The following SLFN12L variants were observed in gnomAD, a reference collection of about 807,000 sequenced individuals.
SLFN12L encodes schlafen family member 12-like.
In SLFN12L, 34 loss-of-function variants were observed where a neutral mutation model predicts 34.8. The observed-to-expected ratio is 0.98, with a 90% CI of 0.74 to 1.30. The LOEUF is 1.30. SLFN12L is among the 50% of genes most tolerant of loss of function. SLFN12L has a pLI of 0.00. For missense variants in SLFN12L, 703 were observed against 696.2 expected, an observed-to-expected ratio of 1.01 and a Z score of -0.11; for synonymous variants, 259 against 247.5, an observed-to-expected ratio of 1.05 and a Z score of -0.44.
In SLFN12L at chr17:35,479,837, C is replaced by A; in HGVS notation, c.445G>T (p.Val149Leu). The A allele has an allele frequency of 6.2e-7, 1 of 1,607,704 alleles. No homozygotes were observed. The highest frequency in any genetic ancestry group is 8.5e-7 in the Non-Finnish European group (1 of 1,176,454). ...GAGGTTTCCAAGCTCCATGATTTCA[C>A]AAAAATGTGAAAGTAGTTACCATTC... is the stretch of plus-strand genomic sequence containing the variant. Reference protein sequence around the residue: ...MQNGNYFHIFVKSWSLETSGP... With the variant: ...MQNGNYFHIFLKSWSLETSGP... Residue 149 changes from valine to leucine, a missense_variant, in exon 3 of 5, where the codon GTG becomes TTG. Val to Leu is a conservative substitution (Grantham distance 32, BLOSUM62 1). Transcript: ENST00000628453.
rs10438811 is a variant in SLFN12L, at chr17:35,469,306, T to A, written c.*5617A>T. On this transcript the variant is annotated 3_prime_UTR_variant, in exon 5 of 5. Coordinates refer to ENST00000628453, the MANE Select transcript of SLFN12L (RefSeq NM_001363830.2). ...TTATATAAAATATATATATATAAAA[T>A]ATATATATATTATATATATAAATAT... is the stretch of plus-strand genomic sequence containing the variant. Among the ~76,000 whole-genome samples the A allele has an allele frequency of 0.029, 3,686 of 126,394 alleles. 71 individuals are homozygous for A. The highest frequency in any genetic ancestry group is 0.072 in the Middle Eastern group (19 of 264). 82.9% of individuals were successfully genotyped at this position (126,394 alleles called of 152,430 possible).
chr17:35,512,760 A>G (rs1329878954), intron 2 of SLFN12L, among the ~76,000 whole-genome samples: 4 of 152,250 alleles, frequency 2.6e-5, no homozygotes, highest in Non-Finnish European at 5.9e-5. Context: ...CACTTGGCTT[A>G]ATCAACTGTG....
At position 35,479,665 on chromosome 17, in the gene SLFN12L, G is replaced by A; in HGVS notation, c.617C>T (p.Ala206Val). Residue 206 changes from alanine to valine, a missense_variant, in exon 3 of 5, where the codon GCA (alanine) becomes GTA (valine). Transcript: ENST00000628453. ...GRAYLRPEFPAKRACVDVQEE... is the reference protein window; with the variant it reads ...GRAYLRPEFPVKRACVDVQEE... ...TTGTACATCAACACAGGCCCTTTTTGCAGGGAATTCTGGTCTTAAATATGC... is the reference window on the plus strand; with the variant it reads ...TTGTACATCAACACAGGCCCTTTTTACAGGGAATTCTGGTCTTAAATATGC... 6.2e-7 allele frequency: 1 copy of A among 1,611,054 alleles called. No individual in the cohort carries two copies. Among genetic ancestry groups the A allele is most frequent in the Non-Finnish European group, 8.5e-7 (1 of 1,178,448 alleles).
At chr17:35,491,590 C>T (rs1278382631) in intron 2 of SLFN12L, among the ~76,000 whole-genome samples, 1 of 152,218 alleles carries the variant, frequency 6.6e-6, no homozygotes, top group African/African-American at 2.4e-5. Flanking sequence ...GAGGGATGGG[C>T]TGCAGAATGG....
intron 2 of SLFN12L, among the ~76,000 whole-genome samples, chr17:35,512,375 T>C (rs1915679313): frequency 7.3e-6 from 1 of 137,548 alleles, no homozygotes; most frequent in Admixed American, 7.1e-5. Context: ...TTTTTTTTTT[T>C]TTTTTTTTGA....
At position 35,467,112 on chromosome 17, in the gene SLFN12L, T is replaced by C. The variant is rs1411852216; in HGVS notation, c.*7811A>G. 6.6e-6 allele frequency among the ~76,000 whole-genome samples: 1 copy of C among 152,136 alleles called. No individual in the cohort carries two copies. The highest frequency in any genetic ancestry group is 1.5e-5 in the Non-Finnish European group (1 of 68,014). On this transcript the variant is annotated 3_prime_UTR_variant, in exon 5 of 5. Transcript: ENST00000628453. ...GTCCTTGGTCCCTTGCCAGATGCCA[T>C]AGTGCTGGAGGAGGTCACCTCTCCT...
rs1169851020 is a variant in SLFN12L, at chr17:35,472,649, A to G, written c.*2274T>C. On this transcript the variant is annotated 3_prime_UTR_variant, in exon 5 of 5. Coordinates refer to ENST00000628453, the MANE Select transcript of SLFN12L (RefSeq NM_001363830.2). ...TTGATTCCATATGAAATTTAATTTC[A>G]TTTAATTCTGATTTGATTCCATATG... Among the ~76,000 whole-genome samples, 2 of 151,846 alleles carry G rather than the reference A, an allele frequency of 1.3e-5. No individual in the cohort carries two copies. Among genetic ancestry groups the G allele is most frequent in the East Asian group, 1.9e-4 (1 of 5,186 alleles).
At chr17:35,505,951 G>GT (rs1915453521) in intron 2 of SLFN12L, among the ~76,000 whole-genome samples, 1 of 152,156 alleles carries the variant, frequency 6.6e-6, no homozygotes. Flanking sequence ...AGGACAAAAA[G>GT]TTGCTACAGT....
intron 2 of SLFN12L, chr17:35,490,148 G>A (rs1468892235): frequency 7.5e-6 from 12 of 1,606,638 alleles, no homozygotes; most frequent in Non-Finnish European, 1.0e-5. Context: ...CACGCCGCAG[G>A]GACCCTCCAG....
At chr17:35,476,170 A>G (rs1913995969) in intron 4 of SLFN12L, among the ~76,000 whole-genome samples, 1 of 152,104 alleles carries the variant, frequency 6.6e-6, no homozygotes, top group Non-Finnish European at 1.5e-5. Flanking sequence ...GTCAGACTTC[A>G]GGGCTGCCAG....
Position 35,474,845 on chromosome 17 carries a change from T to C in SLFN12L, c.*78A>G. On this transcript the variant is annotated 3_prime_UTR_variant, in exon 5 of 5. Coordinates refer to ENST00000628453, the MANE Select transcript of SLFN12L (RefSeq NM_001363830.2). ...TACTCGGGAGGCTGAGGCAGGGAAT[T>C]GCTTGAACCCAGGAGGCAGAGGTTG... The C allele has an allele frequency of 7.2e-7, 1 of 1,392,544 alleles. No homozygotes were observed. Among genetic ancestry groups the C allele is most frequent in the Non-Finnish European group, 9.5e-7 (1 of 1,056,396 alleles). 86.3% of individuals were successfully genotyped at this position (1,392,544 alleles called of 1,614,324 possible). A position where few individuals can be genotyped will look rare whatever the true frequency, so the allele number is the denominator to read the frequency against.
intron 1 of SLFN12L, among the ~76,000 whole-genome samples, chr17:35,536,713 CG>C (rs1173105690): frequency 6.6e-6 from 1 of 151,174 alleles, no homozygotes; most frequent in East Asian, 1.9e-4. Context: ...GAGTCTGAGA[CG>C]GGAGGATCAC....
At chr17:35,490,486 A>G in intron 2 of SLFN12L, 1 of 943,044 alleles carries the variant, frequency 1.1e-6, no homozygotes, top group Non-Finnish European at 1.8e-6. Flanking sequence ...TGATATCACC[A>G]AAGCTCTGAA....
At chr17:35,529,936 A>G (rs2072374631) in intron 1 of SLFN12L, among the ~76,000 whole-genome samples, 1 of 149,006 alleles carries the variant, frequency 6.7e-6, no homozygotes, top group South Asian at 2.3e-4. Context: ...AAAATAAAAT[A>G]GATTAGAAAA....
At chr17:35,477,096 A>G (rs1914065748) in intron 4 of SLFN12L, among the ~76,000 whole-genome samples, 1 of 152,172 alleles carries the variant, frequency 6.6e-6, no homozygotes, top group Non-Finnish European at 1.5e-5. Flanking sequence ...ATGGATAAAA[A>G]TCATCAGGGG....
rs1053318935 is a variant in SLFN12L, at chr17:35,466,931, C to T, written c.*7992G>A. On this transcript the variant is annotated 3_prime_UTR_variant, in exon 5 of 5. Coordinates refer to ENST00000628453, the MANE Select transcript of SLFN12L (RefSeq NM_001363830.2). ...CACAGATTCTGAGTCTGTGACCCTC[C>T]ATACCTGGCTACCTGTTATGCTTTC... Among the ~76,000 whole-genome samples the T allele has an allele frequency of 3.9e-5, 6 of 152,190 alleles. No homozygotes were observed. Among genetic ancestry groups the T allele is most frequent in the African/African-American group, 1.4e-4 (6 of 41,442 alleles).
Position 35,522,378 on chromosome 17 carries a change from A to G in SLFN12L, c.-14T>C, listed in dbSNP as rs773940964. 1.3e-5 allele frequency: 21 copies of G among 1,614,082 alleles called. No homozygotes were observed. In the East Asian group the frequency reaches 2.2e-4, roughly 17 times the overall value. ...GATCTTCTCCATGATCTTCATGGCC[A>G]TGATGGTCTTTCCTAAGCCAGGTAA... On this transcript the variant is annotated 5_prime_UTR_variant, in exon 2 of 5. An upstream start codon of the reference 5' UTR is lost. Coordinates refer to ENST00000628453, the MANE Select transcript of SLFN12L (RefSeq NM_001363830.2).
intron 2 of SLFN12L, chr17:35,498,606 G>A (rs188297455): frequency 1.0e-4 from 166 of 1,607,576 alleles, no homozygotes; most frequent in Non-Finnish European, 1.4e-4. Context: ...TCTGCAGAAA[G>A]CTAGCCAGAA....
rs915503334 is a variant in SLFN12L, at chr17:35,531,794, T to G, written c.-606+5779A>C. 2.0e-5 allele frequency among the ~76,000 whole-genome samples: 3 copies of G among 152,002 alleles called. No homozygotes were observed. The East Asian group carries it at 5.8e-4, about 29-fold the overall frequency. On this transcript the variant is annotated intron_variant, in intron 1 of 4. Coordinates refer to ENST00000628453, the MANE Select transcript of SLFN12L (RefSeq NM_001363830.2). ...ACCACGCCTGGCTAACTTTTTAAAT[T>G]TTTTTTATTTTTATTTTTTTAATAG...
Sources: gnomAD v4.1 joint callset for allele counts (sites outside exome capture counted in the v4.1 genomes callset) on GRCh38, gnomAD v4.1.1 for gene constraint, MANE v1.5 for transcripts, NCBI Gene and HGNC (gene_info 2026-07-23, HGNC 2026-07-21) for gene names.